Variants in ACAN observed in about 807,000 individuals in gnomAD.
ACAN encodes the protein aggrecan, also known as aggrecan core protein.
A neutral mutation model predicts 169.1 loss-of-function variants in ACAN; 47 were observed. That is an observed-to-expected ratio of 0.28 (90% CI 0.22 to 0.35). The LOEUF (loss-of-function observed/expected upper bound fraction) is 0.35, where lower values mean the gene tolerates loss of function less well. Among genes scored for constraint, ACAN ranks in the 10% least tolerant of loss-of-function variants. The pLI, the probability that ACAN is intolerant of heterozygous loss-of-function variation, is 1.00. For missense variants in ACAN, 2,716 were observed against 2,759.9 expected (o/e 0.98, Z 0.36); for synonymous variants, 1,115 against 1,112.2 (o/e 1.00, Z -0.05).
rs770829348 is a variant in ACAN, at chr15:88,845,852, G to A, written c.1399G>A (p.Ala467Thr). 15 of 1,471,042 alleles carry A rather than the reference G, an allele frequency of 1.0e-5. No homozygotes were observed. Among genetic ancestry groups the A allele is most frequent in the South Asian group, 1.4e-5 (1 of 69,726 alleles). The allele number at this position is 1,471,042 out of a possible 1,614,324, so 91.1% of individuals were successfully genotyped here. Reference sequence around the variant, plus strand: ...TGAGGACCTCGTCGTGCAGGTGACCGCTGTCCCTGGGCAGCCGCATTTGCC... The same window carrying A: ...TGAGGACCTCGTCGTGCAGGTGACCACTGTCCCTGGGCAGCCGCATTTGCC... ...TSEDLVVQVT[A>T]VPGQPHLPGG... Residue 467 changes from alanine (A) to threonine (T), a missense_variant, in exon 7 of 19, where the codon GCT becomes ACT. Ala to Thr is a moderately conservative substitution (Grantham distance 58). This residue lies in a region of ACAN where 1,283 missense variants were observed against 1,281.5 expected (regional missense o/e 1.00). Transcript: ENST00000560601.
rs895564874 is a variant in ACAN, at chr15:88,870,460, T to C, written c.7061-922T>C. Reference sequence around the variant, plus strand: ...CTCATAGAGGAGAAAGGAGCCCTGATTGTAGCATCTGCCAATTCCTGAGGT... The same window carrying C: ...CTCATAGAGGAGAAAGGAGCCCTGACTGTAGCATCTGCCAATTCCTGAGGT... On this transcript the variant is annotated intron_variant, in intron 14 of 18. Transcript: ENST00000560601. The surrounding 1 kb of genome is among the most constrained non-coding windows in gnomAD (Gnocchi z 6.3). 1.3e-5 allele frequency among the ~76,000 whole-genome samples: 2 copies of C among 152,192 alleles called. No homozygotes were observed. The highest frequency in any genetic ancestry group is 2.9e-5 in the Non-Finnish European group (2 of 68,028).
In ACAN at chr15:88,855,323, C is replaced by T; in HGVS notation, c.2738C>T (p.Pro913Leu). The change falls in exon 12 of 19, where the codon CCT becomes CTT. Residue 913 changes from proline to leucine, a missense_variant. Coordinates refer to ENST00000560601, the MANE Select transcript of ACAN (RefSeq NM_001369268.1). Reference protein sequence around the residue: ...GLTSTVGSGLPVESGLPSGDE... With the variant: ...GLTSTVGSGLLVESGLPSGDE... ...ACTTCCACAGTGGGCTCAGGCCTGC[C>T]TGTGGAAAGTGGACTACCCTCAGGG... The T allele has an allele frequency of 6.2e-7, 1 of 1,612,380 alleles. No homozygotes were observed.
At position 88,858,892 on chromosome 15, in the gene ACAN, A is replaced by C. The variant is rs1364382521; in HGVS notation, c.6307A>C (p.Thr2103Pro). ...VSSVPESSSE[T>P]SAYPEAGFGA... is the part of the protein sequence containing the mutation. Reference sequence around the variant, plus strand: ...ATCAGTCCCAGAATCTAGCAGTGAGACGTCCGCCTATCCTGAAGCTGGGTT... The same window carrying C: ...ATCAGTCCCAGAATCTAGCAGTGAGCCGTCCGCCTATCCTGAAGCTGGGTT... The change falls in exon 12 of 19, where the codon ACG becomes CCG. Residue 2103 changes from threonine to proline, a missense_variant. By Grantham distance (38) the Thr-to-Pro change is conservative (BLOSUM62 -1). Around this residue, in one of 3 missense-constraint regions of ACAN, gnomAD observed 1,389 missense variants for 1,363.7 expected, o/e 1.02. Transcript: ENST00000560601. The surrounding 1 kb of genome is among the most constrained non-coding windows in gnomAD (Gnocchi z 4.0). 1 of 1,609,404 alleles carries C rather than the reference A, an allele frequency of 6.2e-7. No individual in the cohort carries two copies. Among genetic ancestry groups the C allele is most frequent in the Non-Finnish European group, 8.5e-7 (1 of 1,176,904 alleles).
intron 1 of ACAN, among the ~76,000 whole-genome samples, chr15:88,833,914 C>G (rs1163174770): frequency 6.6e-6 from 1 of 152,144 alleles, no homozygotes; most frequent in Non-Finnish European, 1.5e-5. Flanking sequence ...GAAGGGTGTT[C>G]TGAGGGAAGA....
intron 1 of ACAN, among the ~76,000 whole-genome samples, chr15:88,824,853 C>A (rs531451490): frequency 2.6e-4 from 40 of 151,400 alleles, no homozygotes; most frequent in African/African-American, 9.5e-4. Context: ...TTCAGCACCA[C>A]TGCACTCTAG....
In ACAN at chr15:88,809,900, C is replaced by G. The variant is rs72765663; in HGVS notation, c.-8+6091C>G. On this transcript the variant is annotated intron_variant, in intron 1 of 18. Coordinates refer to ENST00000560601, the MANE Select transcript of ACAN (RefSeq NM_001369268.1). ...AATGCAGGCATGTCATTGAATACCT[C>G]CACTTTCCTATCTGTAAAATGGAGT... Among the ~76,000 whole-genome samples, 1,445 of 152,320 alleles carry G rather than the reference C, an allele frequency of 9.5e-3. 14 individuals carry two copies. The highest frequency in any genetic ancestry group is 0.031 in the Middle Eastern group (9 of 294).
At position 88,839,958 on chromosome 15, in the gene ACAN, C is replaced by G. The variant is rs1179692464; in HGVS notation, c.455-54C>G. The G allele has an allele frequency of 3.9e-6, 6 of 1,553,582 alleles. No individual in the cohort carries two copies. Among genetic ancestry groups the G allele is most frequent in the Non-Finnish European group, 4.4e-6 (5 of 1,145,366 alleles). ...ATAATTCTGCGAGGGCCTCGGTGAT[C>G]AGAGACTGTGCCTGACCAGCTCTTC... On this transcript the variant is annotated intron_variant, in intron 3 of 18. Coordinates refer to ENST00000560601, the MANE Select transcript of ACAN (RefSeq NM_001369268.1). This position sits in a 1 kb window ranked among gnomAD's most constrained non-coding sequence, Gnocchi z 4.5.
chr15:88,804,259 G>A (rs994300890), intron 1 of ACAN, among the ~76,000 whole-genome samples: 2 of 152,172 alleles, frequency 1.3e-5, no homozygotes, highest in Admixed American at 6.5e-5. Flanking sequence ...CAGCTGAGAG[G>A]GAAAAGGCCT....
intron 7 of ACAN, among the ~76,000 whole-genome samples, chr15:88,846,549 G>C (rs112109856): frequency 0.021 from 3,224 of 152,294 alleles, 106 homozygotes; most frequent in African/African-American, 0.07. Flanking sequence ...CAGCGAGGTT[G>C]AATACAGTCA....
Position 88,845,631 on chromosome 15 carries a change from C to G in ACAN, c.1178C>G (p.Ala393Gly). ...PLPRNITEGE[A>G]RGSVILTVKP... ...CCTCGAAACATCACTGAGGGTGAAG[C>G]CCGAGGCAGCGTGATCCTTACCGTA... Residue 393 changes from alanine (A) to glycine (G), a missense_variant, in exon 7 of 19, where the codon GCC becomes GGC. This residue lies in a region of ACAN where 1,283 missense variants were observed against 1,281.5 expected (regional missense o/e 1.00). Coordinates refer to ENST00000560601, the MANE Select transcript of ACAN (RefSeq NM_001369268.1). 6.2e-7 allele frequency: 1 copy of G among 1,614,066 alleles called. No homozygotes were observed. The highest frequency in any genetic ancestry group is 8.5e-7 in the Non-Finnish European group (1 of 1,179,906).
Position 88,807,468 on chromosome 15 carries a change from G to A in ACAN, c.-8+3659G>A, listed in dbSNP as rs1895710809. On this transcript the variant is annotated intron_variant, in intron 1 of 18. Transcript: ENST00000560601. This position sits in a 1 kb window ranked among gnomAD's most constrained non-coding sequence, Gnocchi z 4.0. ...GCCCGTTTCTGTGACAGCTACTTTG[G>A]GAGTGGCAGCTCCCCTTCCCCCAGA... is the stretch of plus-strand genomic sequence containing the variant. 6.6e-6 allele frequency among the ~76,000 whole-genome samples: 1 copy of A among 152,130 alleles called. No homozygotes were observed. The highest frequency in any genetic ancestry group is 2.4e-5 in the African/African-American group (1 of 41,432).
intron 1 of ACAN, among the ~76,000 whole-genome samples, chr15:88,808,547 C>T (rs1895742250): frequency 6.6e-6 from 1 of 152,188 alleles, no homozygotes; most frequent in Non-Finnish European, 1.5e-5. Context: ...TGGCTGTCAC[C>T]TGGGGCTATT....
intron 1 of ACAN, among the ~76,000 whole-genome samples, chr15:88,804,400 C>G (rs1895623819): frequency 6.6e-6 from 1 of 152,188 alleles, no homozygotes; most frequent in South Asian, 2.1e-4. Flanking sequence ...CCTGAAGAGT[C>G]TGCCCAGGGG....
chr15:88,822,741 A>T (rs1217231056), intron 1 of ACAN, among the ~76,000 whole-genome samples: 1 of 152,130 alleles, frequency 6.6e-6, no homozygotes, highest in African/African-American at 2.4e-5. Context: ...GCCGCTAACT[A>T]CATGTGTTCT....
intron 1 of ACAN, among the ~76,000 whole-genome samples, chr15:88,827,549 T>C (rs575436549): frequency 1.3e-5 from 2 of 152,222 alleles, no homozygotes; most frequent in African/African-American, 2.4e-5. Flanking sequence ...TAGATGCAAA[T>C]TGCATGTGAG....
chr15:88,845,557 G>A lies in ACAN; in HGVS notation c.1104G>A (p.Glu368=), dbSNP rs950735603. 1.2e-6 allele frequency: 2 copies of A among 1,613,692 alleles called. No homozygotes were observed. Among genetic ancestry groups the A allele is most frequent in the African/African-American group, 2.7e-5 (2 of 74,944 alleles). ...PENFFGVGGE[E]DITVQTVTWP... ...ACTTCTTTGGAGTGGGGGGTGAGGA[G>A]GACATCACCGTCCAGACAGTGACCT... The change falls in exon 7 of 19, where the codon GAG becomes GAA. Residue 368 remains glutamate, a synonymous_variant. Coordinates refer to ENST00000560601, the MANE Select transcript of ACAN (RefSeq NM_001369268.1).
intron 6 of ACAN, among the ~76,000 whole-genome samples, chr15:88,844,713 G>A (rs1281436613): frequency 6.6e-6 from 1 of 152,150 alleles, no homozygotes; most frequent in Non-Finnish European, 1.5e-5. Context: ...GTTTGATGGG[G>A]ACTTTATTTT....
rs1596130475 is a variant in ACAN, at chr15:88,838,612, T to C, written c.71-51T>C. ...AAGGATGGATGGGGAGGCGGGGTGG[T>C]CCTCTCTAGGCACTAACAGGTCTCT... On this transcript the variant is annotated intron_variant, in intron 2 of 18. Transcript: ENST00000560601. The surrounding 1 kb of genome is among the most constrained non-coding windows in gnomAD (Gnocchi z 5.1). The C allele has an allele frequency of 1.3e-6, 2 of 1,528,064 alleles. No homozygotes were observed. The highest frequency in any genetic ancestry group is 1.8e-6 in the Non-Finnish European group (2 of 1,136,600). 94.7% of individuals were successfully genotyped at this position (1,528,064 alleles called of 1,614,324 possible).
chr15:88,838,598 G>A lies in ACAN; in HGVS notation c.71-65G>A. The A allele has an allele frequency of 6.6e-7, 1 of 1,511,188 alleles. No homozygotes were observed. Among genetic ancestry groups the A allele is most frequent in the South Asian group, 1.3e-5 (1 of 75,860 alleles). The allele number at this position is 1,511,188 out of a possible 1,614,324, so 93.6% of individuals were successfully genotyped here. A position where few individuals can be genotyped will look rare whatever the true frequency, so the allele number is the denominator to read the frequency against. The stretch of plus-strand genomic sequence containing the variant: ...GAGTGCATTGCTGGAAGGATGGATG[G>A]GGAGGCGGGGTGGTCCTCTCTAGGC... On this transcript the variant is annotated intron_variant, in intron 2 of 18. Transcript: ENST00000560601. The surrounding 1 kb of genome is among the most constrained non-coding windows in gnomAD (Gnocchi z 5.1).
Sources: gnomAD v4.1 joint callset for allele counts (sites outside exome capture counted in the v4.1 genomes callset) on GRCh38, gnomAD v4.1.1 for gene constraint, gnomAD v4.1.1 regional missense constraint, Gnocchi (gnomAD v3.1) non-coding constraint, MANE v1.5 for transcripts, NCBI Gene and HGNC (gene_info 2026-07-23, HGNC 2026-07-21) for gene names.